The following WDFY3 variants were observed in gnomAD, a reference collection of about 807,000 sequenced individuals.
WDFY3 encodes the protein WD repeat and FYVE domain containing 3, also known as WD repeat and FYVE domain-containing protein 3.
A neutral mutation model predicts 409.6 loss-of-function variants in WDFY3; 66 were observed. The ratio of observed to expected loss-of-function variants is 0.16; its 90% CI spans 0.13 to 0.20. The LOEUF is 0.20. Ranked by LOEUF, WDFY3 falls within the 10% of genes least tolerant of loss-of-function variation. The pLI, the probability that WDFY3 is intolerant of heterozygous loss-of-function variation, is 1.00. For synonymous variants in WDFY3, 1,521 were observed against 1,537.1 expected, an observed-to-expected ratio of 0.99 and a Z score of 0.25; for missense variants, 3,031 against 4,298.1, an observed-to-expected ratio of 0.71 and a Z score of 8.24.
At chr4:84,770,320 G>A (rs1265648386) in intron 30 of WDFY3, among the ~76,000 whole-genome samples, 5 of 152,022 alleles carry the variant, frequency 3.3e-5, no homozygotes, top group South Asian at 2.1e-4. Context: ...GAGCCACCGC[G>A]CCCGGCCGAG....
chr4:84,879,540 G>A (rs1458432910), intron 3 of WDFY3: 1 of 151,800 alleles, frequency 6.6e-6, no homozygotes. Flanking sequence ...ATGTTTAGAA[G>A]AAAATGCTGG....
At chr4:84,690,366 T>G in intron 61 of WDFY3, 140 bp downstream of exon 61, 2 of 1,213,790 alleles carry the variant, frequency 1.6e-6, no homozygotes, top group Non-Finnish European at 2.3e-6. Flanking sequence ...AAAAAAGTAT[T>G]TCTAGCAACA....
intron 52 of WDFY3, 50 bp from the exon 53 acceptor site, chr4:84,709,078 GT>G: frequency 6.3e-7 from 1 of 1,595,136 alleles, no homozygotes; most frequent in Non-Finnish European, 8.5e-7. Context: ...TTTCCACTAT[GT>G]TCAGCTTTTA....
intron 15 of WDFY3, among the ~76,000 whole-genome samples, chr4:84,806,901 C>T (rs1385423081): frequency 2.0e-5 from 3 of 152,110 alleles, no homozygotes; most frequent in Non-Finnish European, 4.4e-5. Context: ...CGAGCCACCG[C>T]ACCTGGCCCT....
At chr4:84,951,563 CTA>C (rs1773614768) in intron 1 of WDFY3, among the ~76,000 whole-genome samples, 1 of 152,108 alleles carries the variant, frequency 6.6e-6, no homozygotes, top group South Asian at 2.1e-4. Flanking sequence ...TGATATATAT[CTA>C]TATCTCAACA....
At chr4:84,791,180 A>T (rs1748455034) in intron 21 of WDFY3, among the ~76,000 whole-genome samples, 1 of 152,228 alleles carries the variant, frequency 6.6e-6, no homozygotes, top group African/African-American at 2.4e-5. Flanking sequence ...TGAGTAGATA[A>T]AGAAAATGTG....
chr4:84,714,113 TA>T (rs34480107), intron 50 of WDFY3, among the ~76,000 whole-genome samples: 22,483 of 144,006 alleles, frequency 0.16, 2,443 homozygotes, highest in African/African-American at 0.32. Context: ...AGACTTTGTC[TA>T]AAAAAAAAAA....
intron 4 of WDFY3, among the ~76,000 whole-genome samples, chr4:84,851,052 G>A (rs1308428358): frequency 1.4e-5 from 2 of 141,260 alleles, no homozygotes; most frequent in South Asian, 2.3e-4. Flanking sequence ...CTCCCTAAGT[G>A]CTGGGATTAC....
intron 10 of WDFY3, 22 bp downstream of exon 10, chr4:84,826,793 G>C (rs1754930954): frequency 1.3e-6 from 2 of 1,574,740 alleles, no homozygotes; most frequent in Non-Finnish European, 1.7e-6. Context: ...CAGTAGCACA[G>C]AAGGGAAAAA....
intron 2 of WDFY3, among the ~76,000 whole-genome samples, chr4:84,918,739 T>A: frequency 6.6e-6 from 1 of 150,920 alleles, no homozygotes; most frequent in African/African-American, 2.4e-5. Context: ...AAAAAAAAAA[T>A]ACCCATATTC....
intron 3 of WDFY3, among the ~76,000 whole-genome samples, chr4:84,876,717 C>T (rs1762834128): frequency 6.6e-6 from 1 of 151,156 alleles, no homozygotes; most frequent in African/African-American, 2.4e-5. Flanking sequence ...AGTTATGTAA[C>T]TGGTAAGTGA....
intron 55 of WDFY3, among the ~76,000 whole-genome samples, chr4:84,703,417 A>G (rs1731392194): frequency 6.6e-6 from 1 of 152,140 alleles, no homozygotes; most frequent in East Asian, 1.9e-4. Context: ...AACATGGTGT[A>G]CCTGTCTTAC....
intron 29 of WDFY3, among the ~76,000 whole-genome samples, chr4:84,774,360 T>G (rs1745194016): frequency 6.6e-6 from 1 of 152,242 alleles, no homozygotes; most frequent in Non-Finnish European, 1.5e-5. Flanking sequence ...AAAATAATAC[T>G]TATATCATAC....
In WDFY3 at chr4:84,745,771, A is replaced by G. The variant is rs115559584; in HGVS notation, c.5974-1972T>C. Among the ~76,000 whole-genome samples, 1,055 of 152,270 alleles carry G rather than the reference A, an allele frequency of 6.9e-3. 11 individuals carry two copies. The highest frequency in any genetic ancestry group is 0.024 in the African/African-American group (1,010 of 41,560). ...TTCCTGTGTATTTGAACAGATTAAT[A>G]CAATAGCGAGCAGGAGACTTGTGAC... is the stretch of plus-strand genomic sequence containing the variant. On this transcript the variant is annotated intron_variant, in intron 36 of 67. Transcript: ENST00000295888.
At chr4:84,954,066 T>G (rs547721019) in intron 1 of WDFY3, among the ~76,000 whole-genome samples, 2 of 152,278 alleles carry the variant, frequency 1.3e-5, no homozygotes, top group African/African-American at 4.8e-5. Flanking sequence ...CGTCCATGCA[T>G]AGTACCCGTG....
chr4:84,824,437 C>T (rs138969996), intron 10 of WDFY3, among the ~76,000 whole-genome samples: 5 of 152,086 alleles, frequency 3.3e-5, no homozygotes, highest in African/African-American at 1.2e-4. Context: ...TTCAGGTATC[C>T]ATTGGGGACC....
At chr4:84,886,095 G>A (rs182092444) in intron 3 of WDFY3, among the ~76,000 whole-genome samples, 17 of 152,106 alleles carry the variant, frequency 1.1e-4, no homozygotes, top group Non-Finnish European at 1.9e-4. Context: ...TGTAACTTTT[G>A]GAAATTAAAA....
At chr4:84,698,504 C>A (rs1231002121) in intron 56 of WDFY3, among the ~76,000 whole-genome samples, 1 of 151,902 alleles carries the variant, frequency 6.6e-6, no homozygotes, top group Admixed American at 6.6e-5. Context: ...AACTCCTGGC[C>A]TCAAGTGATG....
At chr4:84,694,912 G>A (rs1459240282) in intron 58 of WDFY3, among the ~76,000 whole-genome samples, 2 of 152,138 alleles carry the variant, frequency 1.3e-5, no homozygotes, top group South Asian at 2.1e-4. Context: ...GATATAAAGA[G>A]ATGAGCCATT....
Sources: gnomAD v4.1 joint callset for allele counts (sites outside exome capture counted in the v4.1 genomes callset) on GRCh38, gnomAD v4.1.1 for gene constraint, MANE v1.5 for transcripts, NCBI Gene and HGNC (gene_info 2026-07-23, HGNC 2026-07-21) for gene names.